The following ADGRL2 variants were observed in gnomAD, a reference collection of about 807,000 sequenced individuals.
ADGRL2 encodes adhesion G protein-coupled receptor L2.
In ADGRL2, 44 loss-of-function variants were observed where a neutral mutation model predicts 157.4. The observed-to-expected ratio is 0.28, with a 90% CI of 0.22 to 0.36. The LOEUF is 0.36. Among genes scored for constraint, ADGRL2 ranks in the 10% least tolerant of loss-of-function variants. ADGRL2 has a pLI of 1.00. For synonymous variants in ADGRL2, 585 were observed against 624.7 expected (o/e 0.94, Z 0.95); for missense variants, 1,510 against 1,768.9 (o/e 0.85, Z 2.63).
chr1:81,837,954 T>A (rs908100508), intron 2 of ADGRL2, among the ~76,000 whole-genome samples: 1 of 151,948 alleles, frequency 6.6e-6, no homozygotes, highest in African/African-American at 2.4e-5. Flanking sequence ...GGGTATAAAA[T>A]CTCTGAGAAA....
At chr1:81,415,843 C>CTT (rs35114762) in intron 1 of ADGRL2, among the ~76,000 whole-genome samples, 40,631 of 137,440 alleles carry the variant, frequency 0.3, 6,386 homozygotes, top group Non-Finnish European at 0.37. Context: ...TCTCCTTTTC[C>CTT]TTTTTTTTTT....
In ADGRL2 at chr1:81,344,452, G is replaced by A. The variant is rs6672234; in HGVS notation, c.-302+37943G>A. 3.4e-3 allele frequency among the ~76,000 whole-genome samples: 524 copies of A among 152,062 alleles called. 3 individuals carry two copies. Among genetic ancestry groups the A allele is most frequent in the African/African-American group, 0.011 (464 of 41,480 alleles). On this transcript the variant is annotated intron_variant, in intron 1 of 24. Coordinates refer to the ADGRL2 transcript ENST00000370721. Reference sequence around the variant, plus strand: ...AGCACTTTGGGAGGACGAAGCATGCGGATCACCTGAGGTCGGGAGTTCGAG... The same window carrying A: ...AGCACTTTGGGAGGACGAAGCATGCAGATCACCTGAGGTCGGGAGTTCGAG...
intron 2 of ADGRL2, among the ~76,000 whole-genome samples, chr1:81,467,096 A>G (rs192782076): frequency 1.7e-3 from 266 of 152,116 alleles, no homozygotes; most frequent in Middle Eastern, 6.8e-3. Flanking sequence ...GTGTCCTCAT[A>G]ATGTGGACAA....
Position 81,987,010 on chromosome 1 carries a change from T to G in ADGRL2, c.3618T>G (p.Ala1206=), listed in dbSNP as rs768921662. 3.5e-5 allele frequency: 56 copies of G among 1,611,318 alleles called. No homozygotes were observed. The South Asian group carries it at 3.6e-4, about 10-fold the overall frequency. ...CAGTTGTATGTAATGCCCCTTCAGCTCCTGTATTTAACTCACCAGGTGTGC... is the reference window on the plus strand; with the variant it reads ...CAGTTGTATGTAATGCCCCTTCAGCGCCTGTATTTAACTCACCAGGTGTGC... ...AETVVCNAPS[A]PVFNSPATYR... The change falls in exon 22 of 24, where the codon GCT becomes GCG. Residue 1206 remains alanine, a synonymous_variant. Transcript: ENST00000686636.
chr1:81,370,193 C>T (rs1054123016), intron 1 of ADGRL2, among the ~76,000 whole-genome samples: 6 of 152,092 alleles, frequency 3.9e-5, no homozygotes, highest in African/African-American at 1.2e-4. Flanking sequence ...TTTAGGTGCT[C>T]TTCTAGAATA....
In ADGRL2 at chr1:81,990,803, G is replaced by C; in HGVS notation, c.4068G>C (p.Glu1356Asp). ...LYQPQKKVKS[E>D]GTDSYVSQLT... The stretch of plus-strand genomic sequence containing the variant: ...AACCCCAGAAGAAAGTGAAGTCCGA[G>C]GGAACTGACAGCTATGTCTCCCAAC... Residue 1356 changes from glutamate (E) to aspartate (D), a missense_variant, in exon 24 of 24, where the codon GAG (glutamate) becomes GAC (aspartate). Glu to Asp is a conservative substitution (Grantham distance 45). This residue lies in a region of ADGRL2 where 327 missense variants were observed against 310.1 expected (regional missense o/e 1.05). Coordinates refer to ENST00000686636, the MANE Select transcript of ADGRL2 (RefSeq NM_001366006.2). 1.2e-6 allele frequency: 2 copies of C among 1,614,104 alleles called. No homozygotes were observed. The highest frequency in any genetic ancestry group is 1.7e-5 in the Admixed American group (1 of 60,006).
At chr1:81,966,712 G>C in intron 13 of ADGRL2, 103 bp downstream of exon 13, 1 of 956,592 alleles carries the variant, frequency 1.0e-6, no homozygotes, top group South Asian at 1.4e-5. Flanking sequence ...GGGGAGATGG[G>C]AGGGAGGAAA....
chr1:81,655,072 G>A (rs543650233), intron 3 of ADGRL2, among the ~76,000 whole-genome samples: 1 of 152,228 alleles, frequency 6.6e-6, no homozygotes, highest in Non-Finnish European at 1.5e-5. Flanking sequence ...TGCGATGGGG[G>A]TCCTAAGAGC....
In ADGRL2 at chr1:81,509,792, A is replaced by C. The variant is rs115379087; in HGVS notation, c.-248+64703A>C. Among the ~76,000 whole-genome samples, 741 of 152,282 alleles carry C rather than the reference A, an allele frequency of 4.9e-3. 4 individuals carry two copies. Among genetic ancestry groups the C allele is most frequent in the Non-Finnish European group, 8.6e-3 (585 of 68,012 alleles). On this transcript the variant is annotated intron_variant, in intron 2 of 24. Coordinates refer to the ADGRL2 transcript ENST00000370721. ...GCAAGCGCTCTATTGAATTGTTTGCACCAGCCATTTCTTGTGTGCAAACAG... is the reference window on the plus strand; with the variant it reads ...GCAAGCGCTCTATTGAATTGTTTGCCCCAGCCATTTCTTGTGTGCAAACAG...
chr1:81,617,294 G>T (rs1557509878), intron 3 of ADGRL2, among the ~76,000 whole-genome samples: 1 of 101,076 alleles, frequency 9.9e-6, no homozygotes, highest in Non-Finnish European at 2.1e-5. Flanking sequence ...AATGCCTGAT[G>T]ATCTGAGGTG....
chr1:81,593,911 T>A (rs1194268351), intron 3 of ADGRL2, among the ~76,000 whole-genome samples: 1 of 152,192 alleles, frequency 6.6e-6, no homozygotes, highest in Non-Finnish European at 1.5e-5. Flanking sequence ...CGAAGTTTGT[T>A]GGCATGGCTG....
At chr1:81,872,178 A>T (rs1204715266) in intron 2 of ADGRL2, among the ~76,000 whole-genome samples, 2 of 152,182 alleles carry the variant, frequency 1.3e-5, no homozygotes, top group Non-Finnish European at 2.9e-5. Context: ...AGCACCATTT[A>T]TTAAATAGGG....
At chr1:81,930,904 G>A (rs144962455) in intron 3 of ADGRL2, among the ~76,000 whole-genome samples, 3,312 of 152,204 alleles carry the variant, frequency 0.022, 59 homozygotes, top group Middle Eastern at 0.041. Context: ...GGCCAAGGCG[G>A]GTGGATCACC....
chr1:81,673,428 AAT>A (rs2082914213), intron 3 of ADGRL2, among the ~76,000 whole-genome samples: 2 of 151,944 alleles, frequency 1.3e-5, no homozygotes, highest in Admixed American at 6.6e-5. Context: ...CATATTTGCT[AAT>A]ATGGTTTGTG....
intron 2 of ADGRL2, chr1:81,514,630 A>AAAAT (rs2079140994): frequency 6.6e-6 from 1 of 152,218 alleles, no homozygotes; most frequent in Admixed American, 6.5e-5. Context: ...ACTCACGTAC[A>AAAAT]GTTGTATCAA....
chr1:81,400,285 G>C (rs2076729106), intron 1 of ADGRL2, among the ~76,000 whole-genome samples: 2 of 151,962 alleles, frequency 1.3e-5, no homozygotes, highest in Admixed American at 1.3e-4. Flanking sequence ...ACATCTTTGG[G>C]GCCCGTGTCA....
At chr1:81,439,212 AC>A (rs138472370) in intron 1 of ADGRL2, among the ~76,000 whole-genome samples, 3,599 of 152,230 alleles carry the variant, frequency 0.024, 71 homozygotes, top group African/African-American at 0.042. Context: ...AAGCCTAACC[AC>A]TAACTTTCAT....
chr1:81,598,726 C>T (rs984275311), intron 3 of ADGRL2, among the ~76,000 whole-genome samples: 4 of 152,190 alleles, frequency 2.6e-5, no homozygotes, highest in Admixed American at 6.5e-5. Context: ...TGTATGTTAT[C>T]GCTAAACAGC....
intron 3 of ADGRL2, among the ~76,000 whole-genome samples, chr1:81,634,322 G>C (rs1229442032): frequency 6.6e-6 from 1 of 152,062 alleles, no homozygotes; most frequent in Admixed American, 6.5e-5. Flanking sequence ...AAAATCCACA[G>C]TGATCTTTCC....
Sources: allele counts gnomAD v4.1 joint callset (sites outside exome capture counted in the v4.1 genomes callset), GRCh38; gene constraint gnomAD v4.1.1; regional missense constraint gnomAD v4.1.1; transcripts MANE v1.5; gene names NCBI Gene and HGNC (gene_info 2026-07-23, HGNC 2026-07-21).